OSBPL8: variants seen among roughly 807,000 people sequenced by gnomAD.
OSBPL8 encodes the protein oxysterol-binding protein-related protein 8.
Under a neutral mutation model 125.5 loss-of-function variants are expected in OSBPL8, and 59 were observed. The observed-to-expected ratio is 0.47, with a 90% CI of 0.38 to 0.58. The LOEUF (loss-of-function observed/expected upper bound fraction) is 0.58, where lower values mean the gene tolerates loss of function less well. OSBPL8 is among the 20% of genes least tolerant of loss of function. The pLI is 0.00. For synonymous variants in OSBPL8, 330 were observed against 338.9 expected (o/e 0.97, Z 0.29); for missense variants, 758 against 1,047.8 (o/e 0.72, Z 3.82).
intron 1 of OSBPL8, among the ~76,000 whole-genome samples, chr12:76,539,861 C>T (rs942430860): frequency 1.3e-5 from 2 of 152,130 alleles, no homozygotes; most frequent in Admixed American, 6.6e-5. Flanking sequence ...GAGCAGTCAA[C>T]GGGTACAACC....
chr12:76,358,502 G>C (rs1355380259), intron 22 of OSBPL8, among the ~76,000 whole-genome samples: 1 of 151,932 alleles, frequency 6.6e-6, no homozygotes, highest in Non-Finnish European at 1.5e-5. Context: ...TTTTTATTTA[G>C]ATGTCTCCCC....
chr12:76,491,147 G>T (rs34600115), intron 1 of OSBPL8, among the ~76,000 whole-genome samples: 30,874 of 152,134 alleles, frequency 0.2, 3,374 homozygotes, highest in Non-Finnish European at 0.26. Flanking sequence ...ACCCCTGTCA[G>T]GAGTTCCATG....
chr12:76,492,494 G>C (rs778848456), intron 1 of OSBPL8, among the ~76,000 whole-genome samples: 1 of 152,156 alleles, frequency 6.6e-6, no homozygotes, highest in Admixed American at 6.5e-5. Flanking sequence ...GGACCACACA[G>C]CAGGAGGTGA....
chr12:76,448,292 TTCA>T (rs1310746257), intron 4 of OSBPL8, among the ~76,000 whole-genome samples: 2 of 152,226 alleles, frequency 1.3e-5, no homozygotes, highest in African/African-American at 4.8e-5. Context: ...CCTGAAAACA[TTCA>T]TAATAAATAT....
rs1405838726 is a variant in OSBPL8 at position 76,352,232 on chromosome 12, CATA to C, written c.*3654_*3656del. 2 of 152,252 alleles carry C rather than the reference CATA, an allele frequency of 1.3e-5. No homozygotes were observed. The highest frequency in any genetic ancestry group is 4.8e-5 in the African/African-American group (2 of 41,352). 9.4% of individuals were successfully genotyped at this position (152,252 alleles called of 1,614,324 possible). A position where few individuals can be genotyped will look rare whatever the true frequency, so the allele number is the denominator to read the frequency against. ...ATTTTGATACTGTAAAACAGTTTTA[CATA>C]ATAAATGCAAAAAGATAACATTTTC... On this transcript the variant is annotated 3_prime_UTR_variant, in exon 24 of 24. Coordinates refer to ENST00000261183, the MANE Select transcript of OSBPL8 (RefSeq NM_020841.5).
chr12:76,427,483 G>A lies in OSBPL8; in HGVS notation c.218-16849C>T, dbSNP rs377242580. Among the ~76,000 whole-genome samples the A allele has an allele frequency of 1.4e-4, 22 of 151,848 alleles. No individual in the cohort carries two copies. In the South Asian group the frequency reaches 4.6e-3, roughly 32 times the overall value. ...TATTACAATAATCTGAAGACAAGAT[G>A]TAACTGCTATAGACTAATTTCACAA... On this transcript the variant is annotated intron_variant, in intron 4 of 23. Transcript: ENST00000261183.
chr12:76,499,021 T>C (rs2137099973), intron 1 of OSBPL8, among the ~76,000 whole-genome samples: 1 of 152,212 alleles, frequency 6.6e-6, no homozygotes, highest in Non-Finnish European at 1.5e-5. Flanking sequence ...CCAAAGGAGA[T>C]TAACATTTCA....
chr12:76,371,254 T>C, intron 19 of OSBPL8, 194 bp downstream of exon 19: 1 of 493,942 alleles, frequency 2.0e-6, no homozygotes, highest in Non-Finnish European at 3.2e-6. Context: ...AGTTTTGAGC[T>C]ACAGAAAAGC....
At chr12:76,433,462 C>CA (rs951416498) in intron 4 of OSBPL8, among the ~76,000 whole-genome samples, 31 of 144,470 alleles carry the variant, frequency 2.1e-4, no homozygotes, top group African/African-American at 4.6e-4. Flanking sequence ...GTTACAATAG[C>CA]AAAAAAAAAG....
intron 1 of OSBPL8, among the ~76,000 whole-genome samples, chr12:76,499,252 G>C (rs1879611087): frequency 6.6e-6 from 1 of 152,082 alleles, no homozygotes; most frequent in Admixed American, 6.5e-5. Context: ...TCCTCAGCCT[G>C]CAGACAGCCT....
At chr12:76,411,758 A>C (rs148002470) in intron 4 of OSBPL8, among the ~76,000 whole-genome samples, 292 of 152,280 alleles carry the variant, frequency 1.9e-3, no homozygotes, top group Non-Finnish European at 1.1e-3. Flanking sequence ...ATTTTAAATG[A>C]AACTAGTTAG....
At chr12:76,496,598 T>C (rs1273737509) in intron 1 of OSBPL8, among the ~76,000 whole-genome samples, 3 of 152,064 alleles carry the variant, frequency 2.0e-5, no homozygotes, top group Non-Finnish European at 4.4e-5. Context: ...TGGAGTGCAA[T>C]GGCAGGATCT....
At chr12:76,438,015 C>G (rs1871694270) in intron 4 of OSBPL8, among the ~76,000 whole-genome samples, 1 of 152,052 alleles carries the variant, frequency 6.6e-6, no homozygotes, top group African/African-American at 2.4e-5. Flanking sequence ...GAGACGGAGT[C>G]TTGCTCTGTC....
Position 76,457,918 on chromosome 12 carries a change from A to G in OSBPL8, c.79+1941T>C, listed in dbSNP as rs180884357. Among the ~76,000 whole-genome samples, 209 of 152,276 alleles carry G rather than the reference A, an allele frequency of 1.4e-3. 1 individual carries two copies. Among genetic ancestry groups the G allele is most frequent in the African/African-American group, 4.6e-3 (193 of 41,554 alleles). ...TATGAGGTAATTAAAGAAACTGAAG[A>G]ATCCATTGAAATTAAATGCCAAGTA... On this transcript the variant is annotated intron_variant, in intron 3 of 23. Transcript: ENST00000261183.
At chr12:76,460,495 CAAAAA>C (rs912554875) in intron 2 of OSBPL8, among the ~76,000 whole-genome samples, 2 of 69,378 alleles carry the variant, frequency 2.9e-5, no homozygotes, top group South Asian at 4.9e-4. Flanking sequence ...TCTCAATTGG[CAAAAA>C]AAAAAAAAAA....
At chr12:76,546,046 G>A (rs549862507) in intron 1 of OSBPL8, among the ~76,000 whole-genome samples, 5 of 152,082 alleles carry the variant, frequency 3.3e-5, no homozygotes, top group African/African-American at 1.2e-4. Context: ...CACACATGTC[G>A]AGGGCTGACA....
intron 4 of OSBPL8, among the ~76,000 whole-genome samples, chr12:76,414,369 TTA>T (rs201903430): frequency 0.016 from 2,420 of 151,336 alleles, 32 homozygotes; most frequent in Non-Finnish European, 0.02. Flanking sequence ...ATATGTGTAT[TTA>T]TATATATATT....
chr12:76,354,513 A>T lies in OSBPL8; in HGVS notation c.*1376T>A, dbSNP rs1173818822. 6.6e-6 allele frequency: 1 copy of T among 151,952 alleles called. No individual in the cohort carries two copies. The highest frequency in any genetic ancestry group is 1.5e-5 in the Non-Finnish European group (1 of 67,846). 9.4% of individuals were successfully genotyped at this position (151,952 alleles called of 1,614,324 possible). Reference sequence around the variant, plus strand: ...AAAGGCAAATGTGGTCAGGGCAATTATTCTCTCTGACCTTCATTTTCATTA... The same window carrying T: ...AAAGGCAAATGTGGTCAGGGCAATTTTTCTCTCTGACCTTCATTTTCATTA... On this transcript the variant is annotated 3_prime_UTR_variant, in exon 24 of 24. Coordinates refer to ENST00000261183, the MANE Select transcript of OSBPL8 (RefSeq NM_020841.5).
intron 2 of OSBPL8, among the ~76,000 whole-genome samples, chr12:76,480,613 T>C (rs1442837763): frequency 6.6e-6 from 1 of 152,216 alleles, no homozygotes; most frequent in Non-Finnish European, 1.5e-5. Context: ...GACTAAAATC[T>C]TCACAGTTAT....
Sources: gnomAD v4.1 joint callset for allele counts (sites outside exome capture counted in the v4.1 genomes callset) on GRCh38, gnomAD v4.1.1 for gene constraint, MANE v1.5 for transcripts, NCBI Gene and HGNC (gene_info 2026-07-23, HGNC 2026-07-21) for gene names.